The following SDHA variants were observed in gnomAD, a reference collection of about 807,000 sequenced individuals.
SDHA encodes the protein succinate dehydrogenase complex flavoprotein subunit A, also known as succinate dehydrogenase [ubiquinone] flavoprotein subunit, mitochondrial.
Under a neutral mutation model 78.4 loss-of-function variants are expected in SDHA, and 48 were observed. The ratio of observed to expected loss-of-function variants is 0.61; its 90% CI spans 0.49 to 0.78. The LOEUF is 0.78. SDHA is among the 30% of genes least tolerant of loss of function. The pLI is 0.00. For missense variants in SDHA, 680 were observed against 892.7 expected (o/e 0.76, Z 3.04); for synonymous variants, 326 against 353.9 (o/e 0.92, Z 0.88).
intron 7 of SDHA, among the ~76,000 whole-genome samples, chr5:232,600 C>T (rs1735480245): frequency 6.6e-6 from 1 of 152,108 alleles, no homozygotes; most frequent in Non-Finnish European, 1.5e-5. Context: ...GCTTAGAGCT[C>T]CACTGCTCAT....
chr5:228,263 G>A lies in SDHA; in HGVS notation c.700G>A (p.Val234Ile), dbSNP rs2126558764. 1 of 1,613,676 alleles carries A rather than the reference G, an allele frequency of 6.2e-7. No individual in the cohort carries two copies. The highest frequency in any genetic ancestry group is 1.3e-5 in the African/African-American group (1 of 74,978). Residue 234 changes from valine (V) to isoleucine (I), a missense_variant, in exon 6 of 15, where the codon GTC becomes ATC. Transcript: ENST00000264932. Reference protein sequence around the residue: ...LLMENGECRGVIALCIEDGSI... With the variant: ...LLMENGECRGIIALCIEDGSI... ...GATGGAGAATGGGGAGTGCCGTGGT[G>A]TCATCGCACTGTGCATAGAGGACGG... is the stretch of plus-strand genomic sequence containing the variant.
chr5:238,447 A>AT (rs55756087), intron 10 of SDHA, among the ~76,000 whole-genome samples: 33,402 of 148,564 alleles, frequency 0.22, 5,581 homozygotes, highest in African/African-American at 0.47. Flanking sequence ...ATATATATGT[A>AT]TTTTTTTTTT....
downstream of SDHA, among the ~76,000 whole-genome samples, chr5:258,645 A>C (rs74375414): frequency 8.5e-3 from 840 of 99,084 alleles, no homozygotes; most frequent in African/African-American, 0.016. Flanking sequence ...GCCTCCCGCC[A>C]GAGCATTACC....
intron 5 of SDHA, among the ~76,000 whole-genome samples, chr5:226,307 A>G (rs1170367627): frequency 6.6e-6 from 1 of 151,694 alleles, no homozygotes; most frequent in African/African-American, 2.4e-5. Context: ...CCAGGTTTTA[A>G]CTTGGGATAT....
intron 8 of SDHA, chr5:234,215 C>G: frequency 6.2e-6 from 1 of 161,108 alleles, no homozygotes; most frequent in Non-Finnish European, 1.4e-5. Flanking sequence ...GTCAGGAGAT[C>G]GAGACCATCC....
intron 1 of SDHA, among the ~76,000 whole-genome samples, chr5:222,204 G>A (rs1734755984): frequency 6.6e-6 from 1 of 152,056 alleles, no homozygotes; most frequent in Non-Finnish European, 1.5e-5. Context: ...AATAAAAACA[G>A]AGACTAGAAA....
intron 11 of SDHA, among the ~76,000 whole-genome samples, chr5:243,086 C>T (rs923248734): frequency 6.6e-6 from 1 of 152,106 alleles, no homozygotes; most frequent in African/African-American, 2.4e-5. Flanking sequence ...TGAGCGACCC[C>T]TCTCAGTTCT....
chr5:254,603 G>A lies in SDHA; in HGVS notation c.1908+97G>A. 2.7e-6 allele frequency: 4 copies of A among 1,468,330 alleles called. No individual in the cohort carries two copies. In the South Asian group the frequency reaches 4.9e-5, roughly 18 times the overall value. 91.0% of individuals were successfully genotyped at this position (1,468,330 alleles called of 1,614,324 possible). ...GCTGATGGTGAACGGGGAAGAGCAGGCCAGATTTAAATCAACTCCCGACAG... is the reference window on the plus strand; with the variant it reads ...GCTGATGGTGAACGGGGAAGAGCAGACCAGATTTAAATCAACTCCCGACAG... On this transcript the variant is annotated intron_variant, in intron 14 of 14. Coordinates refer to ENST00000264932, the MANE Select transcript of SDHA (RefSeq NM_004168.4).
chr5:254,363 T>A, intron 13 of SDHA, 30 bp from the exon 14 acceptor site: 1 of 1,556,206 alleles, frequency 6.4e-7, no homozygotes, highest in Non-Finnish European at 8.7e-7. Context: ...GTTAGAGTAA[T>A]AAGAAACGTG....
intron 14 of SDHA, among the ~76,000 whole-genome samples, 197 bp downstream of exon 14, chr5:254,703 G>C (rs1018140926): frequency 6.6e-6 from 1 of 152,204 alleles, no homozygotes; most frequent in Non-Finnish European, 1.5e-5. Context: ...AGTTCCTGCA[G>C]GTGGTTCAGA....
intron 1 of SDHA, among the ~76,000 whole-genome samples, chr5:223,209 G>A (rs1734815960): frequency 6.6e-6 from 1 of 152,168 alleles, no homozygotes; most frequent in Non-Finnish European, 1.5e-5. Flanking sequence ...TTTCGTATCT[G>A]AGTCAGTGAG....
intron 11 of SDHA, among the ~76,000 whole-genome samples, chr5:242,501 A>G (rs1415739782): frequency 6.6e-6 from 1 of 152,188 alleles, no homozygotes; most frequent in East Asian, 1.9e-4. Context: ...TGCTCTCAAT[A>G]AATATGTGGG....
chr5:257,413 G>C (rs1454027702), downstream of SDHA, among the ~76,000 whole-genome samples: 1 of 133,600 alleles, frequency 7.5e-6, no homozygotes, highest in African/African-American at 3.8e-5. Flanking sequence ...GCATTACTCT[G>C]TGAACACCAC....
At chr5:231,403 T>TACAAAAAC (rs1735388131) in intron 7 of SDHA, among the ~76,000 whole-genome samples, 1 of 151,582 alleles carries the variant, frequency 6.6e-6, no homozygotes, top group African/African-American at 2.4e-5. Flanking sequence ...CTACTAAAAA[T>TACAAAAAC]ACAAAAATCA....
Position 228,203 on chromosome 5 carries a change from A to G in SDHA, c.640A>G (p.Ser214Gly), listed in dbSNP as rs752144637. 5.6e-6 allele frequency: 9 copies of G among 1,613,280 alleles called. No homozygotes were observed. In the Admixed American group the frequency reaches 1.5e-4, roughly 27 times the overall value. Residue 214 changes from serine (S) to glycine (G), a missense_variant, in exon 6 of 15, where the codon AGC becomes GGC. Transcript: ENST00000264932. Reference protein sequence around the residue: ...LYGRSLRYDTSYFVEYFALDL... With the variant: ...LYGRSLRYDTGYFVEYFALDL... ...CTTTTAGTCTCTGCGATATGATACC[A>G]GCTATTTTGTGGAGTATTTTGCCTT...
At chr5:225,016 A>G (rs970283687) in intron 3 of SDHA, among the ~76,000 whole-genome samples, 1 of 152,198 alleles carries the variant, frequency 6.6e-6, no homozygotes, top group Non-Finnish European at 1.5e-5. Context: ...AAGCACTTCT[A>G]GTCTTTAACA....
chr5:237,206 T>A (rs1262755322), intron 10 of SDHA, among the ~76,000 whole-genome samples: 2 of 135,354 alleles, frequency 1.5e-5, no homozygotes, highest in Admixed American at 7.1e-5. Flanking sequence ...TTTAGGGGAA[T>A]CATTACATAT....
At chr5:244,682 T>C (rs1736343191) in intron 11 of SDHA, among the ~76,000 whole-genome samples, 2 of 152,202 alleles carry the variant, frequency 1.3e-5, no homozygotes, top group Admixed American at 1.3e-4. Context: ...TTCAACCTGC[T>C]CAATTTAACA....
intron 11 of SDHA, among the ~76,000 whole-genome samples, chr5:247,751 G>A (rs903490881): frequency 5.9e-5 from 9 of 152,176 alleles, no homozygotes; most frequent in African/African-American, 2.2e-4. Context: ...GTCACCTTTT[G>A]CAGTGTTTTG....
Sources: gnomAD v4.1 joint callset for allele counts (sites outside exome capture counted in the v4.1 genomes callset) on GRCh38, gnomAD v4.1.1 for gene constraint, MANE v1.5 for transcripts, NCBI Gene and HGNC (gene_info 2026-07-23, HGNC 2026-07-21) for gene names.